FHOD3: variants seen among roughly 807,000 people sequenced by gnomAD.
The protein encoded by FHOD3 is formin homology 2 domain containing 3.
Under a neutral mutation model 173.0 loss-of-function variants are expected in FHOD3, and 90 were observed. That is an observed-to-expected ratio of 0.52 (90% CI 0.44 to 0.62). The LOEUF is 0.62. Among genes scored for constraint, FHOD3 ranks in the 20% least tolerant of loss-of-function variants. The pLI is 0.00. For synonymous variants in FHOD3, 828 were observed against 823.0 expected (o/e 1.01, Z -0.10); for missense variants, 1,945 against 2,034.7 (o/e 0.96, Z 0.85).
intron 3 of FHOD3, among the ~76,000 whole-genome samples, chr18:36,474,623 G>T (rs1344155917): frequency 6.6e-6 from 1 of 152,164 alleles, no homozygotes; most frequent in Non-Finnish European, 1.5e-5. Flanking sequence ...GGAGTGGTGG[G>T]ATACAGAGTG....
intron 3 of FHOD3, among the ~76,000 whole-genome samples, chr18:36,477,150 A>G (rs955846147): frequency 2.0e-5 from 3 of 152,006 alleles, no homozygotes; most frequent in African/African-American, 7.3e-5. Flanking sequence ...GGAGAAGGTG[A>G]GGAAGGAGGT....
At position 36,341,483 on chromosome 18, in the gene FHOD3, T is replaced by G. The variant is rs140296360; in HGVS notation, c.166-14056T>G. On this transcript the variant is annotated intron_variant, in intron 1 of 28. Transcript: ENST00000590592. ...CTAAGTTGCTTTTCATCTTGATGTA[T>G]TTACCTGTTCATGAGCGGCAGGTGC... Among the ~76,000 whole-genome samples the G allele has an allele frequency of 8.1e-3, 1,240 of 152,308 alleles. 3 individuals are homozygous for G. The highest frequency in any genetic ancestry group is 0.027 in the Middle Eastern group (8 of 294).
chr18:36,587,900 TACCCAGCC>T (rs1487938584), intron 6 of FHOD3, among the ~76,000 whole-genome samples: 1 of 152,244 alleles, frequency 6.6e-6, no homozygotes, highest in Non-Finnish European at 1.5e-5. Flanking sequence ...TCCTAAGGGC[TACCCAGCC>T]TTACACTTGG....
At chr18:36,634,538 G>T (rs986234309) in intron 10 of FHOD3, among the ~76,000 whole-genome samples, 1 of 152,074 alleles carries the variant, frequency 6.6e-6, no homozygotes, top group Admixed American at 6.5e-5. Flanking sequence ...CAATCTATTT[G>T]CAAGCAAAAG....
rs2058406530 is a variant in FHOD3 at position 36,570,231 on chromosome 18, GA to G, written c.512-6219del. Reference sequence around the variant, plus strand: ...ATTAAACTTCACTTCAATGAATTATGACAGAATACTATGAACAACTCTCAGC... The same window carrying G: ...ATTAAACTTCACTTCAATGAATTATGCAGAATACTATGAACAACTCTCAGC... On this transcript the variant is annotated intron_variant, in intron 5 of 28. Coordinates refer to ENST00000590592, the MANE Select transcript of FHOD3 (RefSeq NM_001281740.3). 2.6e-5 allele frequency among the ~76,000 whole-genome samples: 4 copies of G among 151,988 alleles called. No individual in the cohort carries two copies. The South Asian group carries it at 8.3e-4, about 32-fold the overall frequency.
intron 10 of FHOD3, 89 bp from the exon 11 acceptor site, chr18:36,649,227 T>TG (rs1240707632): frequency 2.4e-6 from 2 of 827,492 alleles, no homozygotes; most frequent in Non-Finnish European, 1.9e-6. Flanking sequence ...TTGTTGTTGT[T>TG]TTTGCTTCAT....
chr18:36,495,422 T>C (rs2054694380), intron 3 of FHOD3, among the ~76,000 whole-genome samples: 1 of 152,100 alleles, frequency 6.6e-6, no homozygotes, highest in South Asian at 2.1e-4. Context: ...CTAACATGTG[T>C]TCATGGCCAA....
intron 18 of FHOD3, among the ~76,000 whole-genome samples, chr18:36,712,670 GGA>G (rs886095098): frequency 3.9e-5 from 6 of 152,096 alleles, no homozygotes; most frequent in South Asian, 2.1e-4. Flanking sequence ...AATCTGGGGA[GGA>G]GAGAGAGTGT....
intron 20 of FHOD3, among the ~76,000 whole-genome samples, chr18:36,739,961 G>T (rs1308290804): frequency 6.6e-6 from 1 of 152,120 alleles, no homozygotes; most frequent in African/African-American, 2.4e-5. Flanking sequence ...GCCTGGCTAA[G>T]ATTTCCATAT....
At chr18:36,492,946 C>T (rs997104122) in intron 3 of FHOD3, among the ~76,000 whole-genome samples, 9 of 152,196 alleles carry the variant, frequency 5.9e-5, no homozygotes, top group African/African-American at 1.2e-4. Context: ...TGTACAATCA[C>T]ATCATACGGC....
At chr18:36,339,173 G>C (rs1488539933) in intron 1 of FHOD3, among the ~76,000 whole-genome samples, 1 of 152,196 alleles carries the variant, frequency 6.6e-6, no homozygotes, top group Non-Finnish European at 1.5e-5. Context: ...ATTGGGGTAT[G>C]TTCCAGGAAT....
At chr18:36,520,227 A>G (rs1324497288) in intron 5 of FHOD3, among the ~76,000 whole-genome samples, 3 of 152,134 alleles carry the variant, frequency 2.0e-5, no homozygotes, top group Non-Finnish European at 4.4e-5. Context: ...CCAAAGTGCT[A>G]GGCTTACAAG....
At position 36,319,292 on chromosome 18, in the gene FHOD3, A is replaced by G. The variant is rs1404748344; in HGVS notation, c.165+21292A>G. Among the ~76,000 whole-genome samples the G allele has an allele frequency of 2.0e-5, 3 of 152,212 alleles. No homozygotes were observed. In the East Asian group the frequency reaches 5.8e-4, roughly 29 times the overall value. On this transcript the variant is annotated intron_variant, in intron 1 of 28. Coordinates refer to ENST00000590592, the MANE Select transcript of FHOD3 (RefSeq NM_001281740.3). Reference sequence around the variant, plus strand: ...ATGGAGGAAGAAGATCTACCAAGCAAATGGAAAGCAAAAAATAAATAAATA... The same window carrying G: ...ATGGAGGAAGAAGATCTACCAAGCAGATGGAAAGCAAAAAATAAATAAATA...
chr18:36,597,225 G>C (rs1228503012), intron 7 of FHOD3, among the ~76,000 whole-genome samples: 1 of 152,154 alleles, frequency 6.6e-6, no homozygotes, highest in Non-Finnish European at 1.5e-5. Flanking sequence ...ATGAGGGCAT[G>C]ATCCTGAAAT....
intron 2 of FHOD3, among the ~76,000 whole-genome samples, chr18:36,363,515 T>C (rs894833055): frequency 6.6e-6 from 1 of 152,206 alleles, no homozygotes; most frequent in East Asian, 1.9e-4. Context: ...GAACCTTAAA[T>C]GCACATTGTG....
At chr18:36,619,393 C>T (rs887334020) in intron 9 of FHOD3, among the ~76,000 whole-genome samples, 7 of 152,160 alleles carry the variant, frequency 4.6e-5, no homozygotes, top group African/African-American at 1.2e-4. Flanking sequence ...AAATTCTGAA[C>T]GGACTCTTCA....
At position 36,372,691 on chromosome 18, in the gene FHOD3, A is replaced by T; in HGVS notation, c.284A>T (p.Lys95Met). The change falls in exon 3 of 29, where the codon AAG becomes ATG. Residue 95 changes from lysine to methionine, a missense_variant. Physicochemically the swap from Lys to Met is moderately conservative, Grantham distance 95. Transcript: ENST00000590592. The stretch of plus-strand genomic sequence containing the variant: ...TCCTGTCTCGTTAGGCGGGGCAAGA[A>T]GCACAGCATCATCCTAAGGACGCAG... The part of the protein sequence containing the change: ...GFQDDAGRGK[K>M]HSIILRTQLS... 6.2e-7 allele frequency: 1 copy of T among 1,613,996 alleles called. No individual in the cohort carries two copies. The highest frequency in any genetic ancestry group is 1.3e-5 in the African/African-American group (1 of 75,038).
At position 36,718,344 on chromosome 18, in the gene FHOD3, A is replaced by C; in HGVS notation, c.3046A>C (p.Arg1016=). The C allele has an allele frequency of 6.2e-7, 1 of 1,613,348 alleles. No homozygotes were observed. The highest frequency in any genetic ancestry group is 1.1e-5 in the South Asian group (1 of 90,938). ...TGTCCTAGATGTGGACCTGGGTCAC[A>C]GGGAGGCCCCTGGGCCACCTCCCCC... ...IDVLDVDLGH[R]EAPGPPPPPP... Residue 1016 remains arginine, a synonymous_variant, in exon 19 of 29, where the codon AGG becomes CGG. Transcript: ENST00000590592.
intron 15 of FHOD3, among the ~76,000 whole-genome samples, chr18:36,685,935 A>G (rs2038581689): frequency 6.6e-6 from 1 of 152,180 alleles, no homozygotes; most frequent in African/African-American, 2.4e-5. Context: ...GTGGGTACAG[A>G]CAAAAGAGAA....
Sources: allele counts gnomAD v4.1 joint callset (sites outside exome capture counted in the v4.1 genomes callset), GRCh38; gene constraint gnomAD v4.1.1; transcripts MANE v1.5; gene names NCBI Gene and HGNC (gene_info 2026-07-23, HGNC 2026-07-21).